DUSP22: variants seen among roughly 807,000 people sequenced by gnomAD.
DUSP22 encodes the protein dual specificity protein phosphatase 22.
DUSP22 carries 24 observed loss-of-function variants against 24.5 expected under a neutral mutation model. The observed-to-expected ratio is 0.98, with a 90% CI of 0.71 to 1.38. The LOEUF (loss-of-function observed/expected upper bound fraction) is 1.38, where lower values mean the gene tolerates loss of function less well. Among genes scored for constraint, DUSP22 ranks in the 40% most tolerant of loss-of-function variants. DUSP22 has a pLI of 0.00. For synonymous variants in DUSP22, 160 were observed against 106.4 expected (o/e 1.50, Z -3.10); for missense variants, 330 against 269.2 (o/e 1.23, Z -1.58).
intron 3 of DUSP22, among the ~76,000 whole-genome samples, chr6:334,876 T>C (rs965385337): frequency 3.3e-5 from 5 of 152,312 alleles, no homozygotes; most frequent in African/African-American, 1.2e-4. Context: ...CCTTTGAATT[T>C]TGCCTAAACC....
chr6:346,224 C>T (rs1435571236), intron 5 of DUSP22, among the ~76,000 whole-genome samples: 1 of 152,304 alleles, frequency 6.6e-6, no homozygotes, highest in Non-Finnish European at 1.5e-5. Context: ...GGCTTGCCTC[C>T]AGCATTTCAT....
At chr6:297,973 AC>A (rs1429158608) in intron 1 of DUSP22, among the ~76,000 whole-genome samples, 1 of 152,308 alleles carries the variant, frequency 6.6e-6, no homozygotes, top group Non-Finnish European at 1.5e-5. Context: ...TAGGAAAGAC[AC>A]GAAGACCCTG....
At chr6:303,742 A>C (rs1489262231) in intron 1 of DUSP22, among the ~76,000 whole-genome samples, 1 of 152,304 alleles carries the variant, frequency 6.6e-6, no homozygotes, top group African/African-American at 2.4e-5. Context: ...TGTCCATGCA[A>C]AGTGCTGGCA....
rs370754357 is a variant in DUSP22 at position 350,565 on chromosome 6, G to T, written c.*1614G>T. 10 of 1,384,884 alleles carry T rather than the reference G, an allele frequency of 7.2e-6. No individual in the cohort carries two copies. Among genetic ancestry groups the T allele is most frequent in the Non-Finnish European group, 9.3e-6 (10 of 1,071,826 alleles). 85.8% of individuals were successfully genotyped at this position (1,384,884 alleles called of 1,614,324 possible). ...GAAAAACAAAGTTGCCTGATTCCGC[G>T]CAGGTGCACAGGCCCCGGATGTACA... is the stretch of plus-strand genomic sequence containing the variant. On this transcript the variant is annotated 3_prime_UTR_variant, in exon 7 of 7. Coordinates refer to ENST00000419235, the MANE Select transcript of DUSP22 (RefSeq NM_001286555.3).
intron 1 of DUSP22, among the ~76,000 whole-genome samples, chr6:299,048 A>G (rs535314738): frequency 6.6e-6 from 1 of 152,424 alleles, no homozygotes; most frequent in East Asian, 1.9e-4. Context: ...TCCCCAGCAA[A>G]GGGAAAGAGC....
At chr6:315,772 T>C (rs1758313034) in intron 3 of DUSP22, among the ~76,000 whole-genome samples, 2 of 152,310 alleles carry the variant, frequency 1.3e-5, no homozygotes, top group Admixed American at 6.5e-5. Context: ...GATTTATTCA[T>C]TTCTTGAGCT....
intron 3 of DUSP22, chr6:325,159 G>C (rs1400847899): frequency 1.9e-5 from 4 of 205,442 alleles, no homozygotes; most frequent in Admixed American, 6.4e-5. Flanking sequence ...CTGCGTCCTG[G>C]TGTGTGCAGT....
chr6:312,066 C>A (rs556443056), intron 3 of DUSP22, 104 bp downstream of exon 3: 2 of 1,200,238 alleles, frequency 1.7e-6, no homozygotes, highest in Middle Eastern at 2.0e-4. Flanking sequence ...TGCGAACGTA[C>A]TCCTGTGATC....
chr6:324,238 G>C (rs1238973832), intron 3 of DUSP22, among the ~76,000 whole-genome samples: 1 of 152,300 alleles, frequency 6.6e-6, no homozygotes, highest in African/African-American at 2.4e-5. Context: ...GGCTCTGACC[G>C]AGGTGACCTA....
chr6:342,721 G>C (rs1236520117), intron 4 of DUSP22, among the ~76,000 whole-genome samples: 1 of 152,174 alleles, frequency 6.6e-6, no homozygotes, highest in Non-Finnish European at 1.5e-5. Flanking sequence ...CTCGCTCCCA[G>C]CTCCATGGCC....
chr6:342,945 G>C (rs1759677667), intron 4 of DUSP22, among the ~76,000 whole-genome samples: 1 of 152,306 alleles, frequency 6.6e-6, no homozygotes, highest in Non-Finnish European at 1.5e-5. Context: ...CAGACGGCTA[G>C]TTGTGCTGAA....
rs1260844817 is a variant in DUSP22, at chr6:292,560, G to A, written c.21G>A (p.Lys7=). The change falls in exon 1 of 7, where the codon AAG becomes AAA. Residue 7 remains lysine, a splice_region_variant and synonymous_variant. Transcript: ENST00000419235. ...CCACCATGGGGAATGGGATGAACAA[G>A]GTAACGTCTTCCCTCGTTCGCGCTG... MGNGMN[K]ILPGLYIGNF... 1.9e-6 allele frequency: 3 copies of A among 1,601,900 alleles called. No individual in the cohort carries two copies. Among genetic ancestry groups the A allele is most frequent in the African/African-American group, 1.3e-5 (1 of 74,090 alleles).
At chr6:318,101 G>C (rs578254399) in intron 3 of DUSP22, among the ~76,000 whole-genome samples, 1 of 152,420 alleles carries the variant, frequency 6.6e-6, no homozygotes, top group Admixed American at 6.5e-5. Flanking sequence ...CTACAGAGCT[G>C]CTGTGGCCTC....
chr6:332,655 T>TC (rs1759191010), intron 3 of DUSP22, among the ~76,000 whole-genome samples: 2 of 152,244 alleles, frequency 1.3e-5, no homozygotes, highest in South Asian at 2.1e-4. Flanking sequence ...TTTTTTTTTT[T>TC]TTTTCTTTCC....
Position 350,907 on chromosome 6 carries a change from T to G in DUSP22, c.*1956T>G, listed in dbSNP as rs775624179. ...TCTGAAATATTGCAAACCCACAGAG[T>G]TTAGGCTGGTGCTGCCAAAAAGAAA... On this transcript the variant is annotated 3_prime_UTR_variant, in exon 7 of 7. Coordinates refer to ENST00000419235, the MANE Select transcript of DUSP22 (RefSeq NM_001286555.3). The G allele has an allele frequency of 1.3e-5, 21 of 1,612,500 alleles. No individual in the cohort carries two copies. Among genetic ancestry groups the G allele is most frequent in the Non-Finnish European group, 1.8e-5 (21 of 1,178,890 alleles).
intron 2 of DUSP22, among the ~76,000 whole-genome samples, chr6:305,382 C>T (rs1042110894): frequency 1.3e-5 from 2 of 152,312 alleles, no homozygotes; most frequent in Non-Finnish European, 2.9e-5. Context: ...ACAACAGGCA[C>T]ATTTAGCAAT....
chr6:302,530 T>C (rs995647665), intron 1 of DUSP22, among the ~76,000 whole-genome samples: 3 of 152,298 alleles, frequency 2.0e-5, no homozygotes, highest in Admixed American at 2.0e-4. Flanking sequence ...CCCAGAGTGG[T>C]CAGGTCACCT....
At chr6:346,931 G>A (rs1759910516) in intron 5 of DUSP22, among the ~76,000 whole-genome samples, 2 of 152,306 alleles carry the variant, frequency 1.3e-5, no homozygotes, top group Admixed American at 6.5e-5. Flanking sequence ...CGACAGGGAG[G>A]ACGCTAGATA....
chr6:349,290 T>C lies in DUSP22; in HGVS notation c.*339T>C, dbSNP rs1267203589. On this transcript the variant is annotated 3_prime_UTR_variant, in exon 7 of 7. Transcript: ENST00000419235. The stretch of plus-strand genomic sequence containing the variant: ...GTGAGTGAGGGTATGTGCACCTAAG[T>C]GTGTACATGTGTGTATGTTGTGAAA... The C allele has an allele frequency of 1.6e-6, 2 of 1,233,942 alleles. No individual in the cohort carries two copies. Among genetic ancestry groups the C allele is most frequent in the Non-Finnish European group, 1.0e-6 (1 of 978,854 alleles). The allele number at this position is 1,233,942 out of a possible 1,614,324, so 76.4% of individuals were successfully genotyped here.
Sources: gnomAD v4.1 joint callset for allele counts (sites outside exome capture counted in the v4.1 genomes callset) on GRCh38, gnomAD v4.1.1 for gene constraint, MANE v1.5 for transcripts, NCBI Gene and HGNC (gene_info 2026-07-23, HGNC 2026-07-21) for gene names.